The following FBXO25 variants were observed in gnomAD, a reference collection of about 807,000 sequenced individuals.
FBXO25 encodes F-box only protein 25.
Under a neutral mutation model 51.9 loss-of-function variants are expected in FBXO25, and 45 were observed. That is an observed-to-expected ratio of 0.87 (90% CI 0.68 to 1.11). FBXO25 has a LOEUF of 1.11. Among genes scored for constraint, FBXO25 ranks in the 50% most tolerant of loss-of-function variants. The probability of loss-of-function intolerance (pLI) is 0.00; values close to 1 mark genes in which losing one functional copy is unlikely to be tolerated. For missense variants in FBXO25, 507 were observed against 428.5 expected (o/e 1.18, Z -1.62); for synonymous variants, 199 against 151.0 (o/e 1.32, Z -2.33).
In FBXO25 at chr8:441,296, A is replaced by G. The variant is rs28842616; in HGVS notation, c.381+5589A>G. Among the ~76,000 whole-genome samples the G allele has an allele frequency of 3.5e-4, 54 of 152,326 alleles. No homozygotes were observed. In the East Asian group the frequency reaches 0.01, roughly 29 times the overall value. Reference sequence around the variant, plus strand: ...TTCCCTATTTAATAAATGGTGTTGGAAAAACTGGCTAGCCATATGCAAAAA... The same window carrying G: ...TTCCCTATTTAATAAATGGTGTTGGGAAAACTGGCTAGCCATATGCAAAAA... On this transcript the variant is annotated intron_variant, in intron 5 of 9. Transcript: ENST00000350302.
Position 469,514 on chromosome 8 carries a change from C to G in FBXO25, c.*710C>G, listed in dbSNP as rs3735919. On this transcript the variant is annotated 3_prime_UTR_variant, in exon 10 of 10. Transcript: ENST00000350302. ...TGGGAACAGCCCAGTGCAGTCTAAA[C>G]TTCAATTGTGTTGAAACTACTTTAA... 6.6e-6 allele frequency: 1 copy of G among 152,338 alleles called. No individual in the cohort carries two copies. The highest frequency in any genetic ancestry group is 1.9e-4 in the East Asian group (1 of 5,178). 9.4% of individuals were successfully genotyped at this position (152,338 alleles called of 1,614,324 possible). A position where few individuals can be genotyped will look rare whatever the true frequency, so the allele number is the denominator to read the frequency against.
intron 7 of FBXO25, 105 bp from the exon 8 acceptor site, chr8:458,264 G>T: frequency 7.7e-7 from 1 of 1,297,336 alleles, no homozygotes; most frequent in Admixed American, 2.0e-5. Flanking sequence ...AGCTCTTTTT[G>T]TGTTACCATG....
At chr8:446,063 TC>T (rs986677031) in intron 5 of FBXO25, among the ~76,000 whole-genome samples, 1 of 152,120 alleles carries the variant, frequency 6.6e-6, no homozygotes, top group Non-Finnish European at 1.5e-5. Flanking sequence ...AGGGGATTAT[TC>T]CTCATCTCTC....
In FBXO25 at chr8:469,496, AGCC is replaced by A. The variant is rs1247661505; in HGVS notation, c.*693_*695del. 6.6e-6 allele frequency: 1 copy of A among 152,242 alleles called. No homozygotes were observed. Among genetic ancestry groups the A allele is most frequent in the Non-Finnish European group, 1.5e-5 (1 of 68,048 alleles). 9.4% of individuals were successfully genotyped at this position (152,242 alleles called of 1,614,324 possible). ...CATAATCCTGGACTGTGATGGGAAC[AGCC>A]CAGTGCAGTCTAAACTTCAATTGTG... On this transcript the variant is annotated 3_prime_UTR_variant, in exon 10 of 10. Transcript: ENST00000350302.
At chr8:409,672 A>C (rs1295837276) in intron 1 of FBXO25, among the ~76,000 whole-genome samples, 1 of 152,168 alleles carries the variant, frequency 6.6e-6, no homozygotes, top group East Asian at 1.9e-4. Flanking sequence ...TTTTCAGCTG[A>C]GGATACCGGG....
intron 5 of FBXO25, among the ~76,000 whole-genome samples, chr8:439,098 A>G (rs1798266921): frequency 6.6e-6 from 1 of 152,232 alleles, no homozygotes; most frequent in African/African-American, 2.4e-5. Context: ...ACAGAGAGGG[A>G]GACCAGTACC....
chr8:458,610 C>T, intron 8 of FBXO25, 59 bp downstream of exon 8: 3 of 1,528,812 alleles, frequency 2.0e-6, no homozygotes, highest in Non-Finnish European at 2.7e-6. Context: ...TGCCTGGGGG[C>T]CATACCCTAT....
At chr8:441,114 T>A (rs546322485) in intron 5 of FBXO25, among the ~76,000 whole-genome samples, 2 of 151,230 alleles carry the variant, frequency 1.3e-5, no homozygotes, top group Admixed American at 6.6e-5. Context: ...GACTTCAGAC[T>A]ATATTACAAG....
intron 1 of FBXO25, among the ~76,000 whole-genome samples, chr8:412,378 G>A (rs1448636099): frequency 1.3e-5 from 2 of 152,164 alleles, no homozygotes; most frequent in Admixed American, 6.5e-5. Flanking sequence ...TGCAGTCTCT[G>A]CTCTTCTGTT....
chr8:432,029 T>C (rs895223621), intron 3 of FBXO25, among the ~76,000 whole-genome samples: 3 of 152,182 alleles, frequency 2.0e-5, no homozygotes, highest in African/African-American at 4.8e-5. Context: ...TACACACTTA[T>C]AATAAAGTTT....
chr8:450,745 T>C, intron 6 of FBXO25: 1 of 152,452 alleles, frequency 6.6e-6, no homozygotes, highest in Non-Finnish European at 1.5e-5. Flanking sequence ...CATCTTTTTA[T>C]TGTGGTAAAA....
chr8:449,622 G>A lies in FBXO25; in HGVS notation c.382-368G>A, dbSNP rs570897979. ...TTAGGTTGTGAAAATACTTGTTAGT[G>A]CCCAACCATTCATTCTAGCCTCTTT... On this transcript the variant is annotated intron_variant, in intron 5 of 9. Transcript: ENST00000350302. 2.6e-5 allele frequency among the ~76,000 whole-genome samples: 4 copies of A among 152,310 alleles called. No individual in the cohort carries two copies. The East Asian group carries it at 7.7e-4, about 29-fold the overall frequency.
chr8:452,040 C>T (rs562795029), intron 7 of FBXO25, among the ~76,000 whole-genome samples: 310 of 152,156 alleles, frequency 2.0e-3, no homozygotes, highest in African/African-American at 6.1e-3. Context: ...AAGAATAAAC[C>T]GAAGATATAT....
chr8:457,780 T>TG (rs1324932467), intron 7 of FBXO25, among the ~76,000 whole-genome samples: 4 of 152,346 alleles, frequency 2.6e-5, no homozygotes, highest in Admixed American at 2.0e-4. Context: ...GAACACCACA[T>TG]GCTGCCAATG....
chr8:458,330 C>A, intron 7 of FBXO25, 39 bp from the exon 8 acceptor site: 1 of 1,594,976 alleles, frequency 6.3e-7, no homozygotes, highest in Non-Finnish European at 8.6e-7. Context: ...CAAACATTGG[C>A]CATCTTCTCA....
chr8:434,523 A>T (rs534240605), intron 4 of FBXO25, among the ~76,000 whole-genome samples: 1 of 152,316 alleles, frequency 6.6e-6, no homozygotes, highest in Admixed American at 6.5e-5. Flanking sequence ...TGCACCCGTC[A>T]GGGCGATTGG....
rs927528450 is a variant in FBXO25 at position 477,504 on chromosome 8, A to C, written c.*8700A>C. 1 of 152,252 alleles carries C rather than the reference A, an allele frequency of 6.6e-6. No individual in the cohort carries two copies. Among genetic ancestry groups the C allele is most frequent in the African/African-American group, 2.4e-5 (1 of 41,468 alleles). 9.4% of individuals were successfully genotyped at this position (152,252 alleles called of 1,614,324 possible). A position where few individuals can be genotyped will look rare whatever the true frequency, so the allele number is the denominator to read the frequency against. ...CTTTTTAAATTTCAACATGAAGATG[A>C]AATTATAGGATGTCTGGGATTTCCT... On this transcript the variant is annotated 3_prime_UTR_variant, in exon 10 of 10. Coordinates refer to ENST00000350302, the MANE Select transcript of FBXO25 (RefSeq NM_183420.2).
intron 5 of FBXO25, among the ~76,000 whole-genome samples, chr8:437,855 A>G (rs189075957): frequency 2.0e-5 from 3 of 151,362 alleles, no homozygotes; most frequent in Non-Finnish European, 4.4e-5. Flanking sequence ...AACTGAGAGG[A>G]TTGTCTTGTA....
chr8:456,279 A>G (rs1302798314), intron 7 of FBXO25, among the ~76,000 whole-genome samples: 4 of 152,120 alleles, frequency 2.6e-5, no homozygotes, highest in African/African-American at 9.7e-5. Flanking sequence ...GTTCAGTCAT[A>G]GCTCACTGCA....
Sources: allele counts gnomAD v4.1 joint callset (sites outside exome capture counted in the v4.1 genomes callset), GRCh38; gene constraint gnomAD v4.1.1; transcripts MANE v1.5; gene names NCBI Gene and HGNC (gene_info 2026-07-23, HGNC 2026-07-21).